Variants in NAALADL2 observed in about 807,000 individuals in gnomAD.
NAALADL2 encodes N-acetylated alpha-linked acidic dipeptidase like 2.
In NAALADL2, 76 loss-of-function variants were observed where a neutral mutation model predicts 87.2. The observed-to-expected ratio is 0.87, with a 90% CI of 0.72 to 1.05. NAALADL2 has a LOEUF of 1.05. Among genes scored for constraint, NAALADL2 ranks in the 50% least tolerant of loss-of-function variants. NAALADL2 has a pLI of 0.00. For synonymous variants in NAALADL2, 354 were observed against 331.0 expected (o/e 1.07, Z -0.75); for missense variants, 1,089 against 945.8 (o/e 1.15, Z -1.99).
At chr3:175,653,115 C>T (rs995897263) in intron 11 of NAALADL2, among the ~76,000 whole-genome samples, 1 of 152,020 alleles carries the variant, frequency 6.6e-6, no homozygotes, top group African/African-American at 2.4e-5. Flanking sequence ...ACATCTGTGT[C>T]ATCTCCACAC....
chr3:174,837,940 A>G (rs955756768), intron 3 of NAALADL2, among the ~76,000 whole-genome samples: 1 of 151,786 alleles, frequency 6.6e-6, no homozygotes, highest in African/African-American at 2.4e-5. Flanking sequence ...CAAGATAGAG[A>G]AAGAGAGAAA....
At chr3:175,613,688 AT>A (rs899297179) in intron 10 of NAALADL2, among the ~76,000 whole-genome samples, 1 of 152,084 alleles carries the variant, frequency 6.6e-6, no homozygotes, top group Non-Finnish European at 1.5e-5. Flanking sequence ...GCCTGTGATG[AT>A]TTCCTGGTTT....
intron 12 of NAALADL2, among the ~76,000 whole-genome samples, chr3:175,739,032 A>T (rs576602819): frequency 3.9e-4 from 60 of 152,280 alleles, no homozygotes; most frequent in African/African-American, 1.3e-3. Flanking sequence ...TAAAACTTTA[A>T]ACTTTCAGAG....
Position 175,697,902 on chromosome 3 carries a change from CAT to C in NAALADL2, c.1897-39397_1897-39396del, listed in dbSNP as rs1291129965. 9.7e-5 allele frequency among the ~76,000 whole-genome samples: 6 copies of C among 61,908 alleles called. No individual in the cohort carries two copies. In the East Asian group the frequency reaches 1.3e-3, roughly 14 times the overall value. The allele number at this position is 61,908 out of a possible 152,430, so 40.6% of individuals were successfully genotyped here. Reference sequence around the variant, plus strand: ...ATATATGTGTATATATGTATGTATACATATATATGTGTATATATGTATGTATA... The same window carrying C: ...ATATATGTGTATATATGTATGTATACATATATGTGTATATATGTATGTATA... On this transcript the variant is annotated intron_variant, in intron 11 of 13. Transcript: ENST00000454872.
rs180833314 is a variant in NAALADL2, at chr3:175,478,784, G to A, written c.1653+7026G>A. ...CAGGTATTAGTGAATCACTACTGTT[G>A]GGAGGTTAGATAAAATTCTGTAACA... On this transcript the variant is annotated intron_variant, in intron 9 of 13. Coordinates refer to ENST00000454872, the MANE Select transcript of NAALADL2 (RefSeq NM_207015.3). Among the ~76,000 whole-genome samples the A allele has an allele frequency of 4.6e-3, 699 of 151,818 alleles. 6 individuals are homozygous for A. Among genetic ancestry groups the A allele is most frequent in the African/African-American group, 0.016 (680 of 41,470 alleles).
At chr3:174,659,907 T>C (rs1216244497) in intron 2 of NAALADL2, among the ~76,000 whole-genome samples, 1 of 152,180 alleles carries the variant, frequency 6.6e-6, no homozygotes, top group Non-Finnish European at 1.5e-5. Context: ...CCCTTAGTCC[T>C]GCCCTCACCT....
chr3:174,593,245 C>T (rs1013535770), intron 2 of NAALADL2, among the ~76,000 whole-genome samples: 1 of 152,076 alleles, frequency 6.6e-6, no homozygotes, highest in African/African-American at 2.4e-5. Flanking sequence ...AACTGTGTAA[C>T]TCAAATATGG....
intron 1 of NAALADL2, among the ~76,000 whole-genome samples, chr3:174,967,707 G>A (rs1448977189): frequency 6.6e-6 from 1 of 152,180 alleles, no homozygotes; most frequent in Non-Finnish European, 1.5e-5. Flanking sequence ...ATGTGATTGA[G>A]GCGACCTTGG....
At position 175,805,632 on chromosome 3, in the gene NAALADL2, G is replaced by T. The variant is rs1184272245; in HGVS notation, c.*2429G>T. ...TAGATTCAAATAAATAAAATCCTGAGCAAATTAATAGCAAGTGTTAATGTG... is the reference window on the plus strand; with the variant it reads ...TAGATTCAAATAAATAAAATCCTGATCAAATTAATAGCAAGTGTTAATGTG... On this transcript the variant is annotated 3_prime_UTR_variant, in exon 14 of 14. Coordinates refer to ENST00000454872, the MANE Select transcript of NAALADL2 (RefSeq NM_207015.3). The T allele has an allele frequency of 6.6e-6, 1 of 151,398 alleles. No individual in the cohort carries two copies. Among genetic ancestry groups the T allele is most frequent in the East Asian group, 1.9e-4 (1 of 5,150 alleles). 9.4% of individuals were successfully genotyped at this position (151,398 alleles called of 1,614,324 possible).
intron 1 of NAALADL2, among the ~76,000 whole-genome samples, chr3:175,006,686 C>T (rs1411254672): frequency 6.6e-6 from 1 of 151,420 alleles, no homozygotes; most frequent in African/African-American, 2.4e-5. Context: ...GTATAGGGCC[C>T]TTGAGGTTTT....
At chr3:174,707,283 TC>T (rs55727849) in intron 2 of NAALADL2, among the ~76,000 whole-genome samples, 152,226 of 152,226 alleles carry the variant, frequency 1, 76,113 homozygotes, top group Non-Finnish European at 1. Flanking sequence ...GACCCACCAA[TC>T]CCCATTACTG....
chr3:175,809,168 G>C lies in NAALADL2; in HGVS notation c.*5965G>C, dbSNP rs1012471060. 6.6e-6 allele frequency: 1 copy of C among 151,958 alleles called. No individual in the cohort carries two copies. The highest frequency in any genetic ancestry group is 6.6e-5 in the Admixed American group (1 of 15,212). 9.4% of individuals were successfully genotyped at this position (151,958 alleles called of 1,614,324 possible). On this transcript the variant is annotated 3_prime_UTR_variant, in exon 14 of 14. Transcript: ENST00000454872. ...CTCTAAACAGAACTTTAGCATATCT[G>C]TTTGATAAGAAATACACAAACAAAA...
intron 9 of NAALADL2, among the ~76,000 whole-genome samples, chr3:175,528,871 A>T (rs62287121): frequency 0.068 from 10,339 of 152,292 alleles, 436 homozygotes; most frequent in South Asian, 0.12. Context: ...AGAAGGAGGA[A>T]ATACTCATGA....
Position 175,623,208 on chromosome 3 carries a change from A to G in NAALADL2, c.1801-4083A>G, listed in dbSNP as rs190994464. 5.3e-4 allele frequency among the ~76,000 whole-genome samples: 81 copies of G among 152,250 alleles called. No homozygotes were observed. In the South Asian group the frequency reaches 0.011, roughly 21 times the overall value. On this transcript the variant is annotated intron_variant, in intron 10 of 13. Coordinates refer to ENST00000454872, the MANE Select transcript of NAALADL2 (RefSeq NM_207015.3). ...GATATCTTTTGACAATTGTATATCC[A>G]TGTAAACACCATCCAAATCTAGAAA...
chr3:175,355,022 A>ATGTGTGTGTGTGTGTG (rs3067322), intron 5 of NAALADL2, among the ~76,000 whole-genome samples: 29 of 139,432 alleles, frequency 2.1e-4, no homozygotes, highest in African/African-American at 7.4e-4. Context: ...CTATATATAT[A>ATGTGTGTGTGTGTGTG]TGTGTGTGTG....
intron 2 of NAALADL2, among the ~76,000 whole-genome samples, chr3:175,128,925 A>ATTTT (rs200656722): frequency 6.6e-6 from 1 of 151,070 alleles, no homozygotes; most frequent in African/African-American, 2.4e-5. Flanking sequence ...CTAGTTACCA[A>ATTTT]TTTTTTTTTG....
intron 3 of NAALADL2, among the ~76,000 whole-genome samples, chr3:174,819,051 A>ATTTTTTTTTTTTTTTTTTTTTT (rs1560255249): frequency 1.2e-5 from 1 of 85,916 alleles, no homozygotes; most frequent in African/African-American, 3.8e-5. Context: ...TTATTATACC[A>ATTTTTTTTTTTTTTTTTTTTTT]TTTATTCTTT....
In NAALADL2 at chr3:175,192,836, G is replaced by A. The variant is rs538309108; in HGVS notation, c.546-41095G>A. Among the ~76,000 whole-genome samples, 9 of 151,918 alleles carry A rather than the reference G, an allele frequency of 5.9e-5. No individual in the cohort carries two copies. The East Asian group carries it at 9.6e-4, about 16-fold the overall frequency. On this transcript the variant is annotated intron_variant, in intron 2 of 13. Transcript: ENST00000454872. ...TTGATAATTTTTAATGTTATCCAAGGCAATTTTGAACTCTAATGATTTTGA... is the reference window on the plus strand; with the variant it reads ...TTGATAATTTTTAATGTTATCCAAGACAATTTTGAACTCTAATGATTTTGA...
rs201448615 is a variant in NAALADL2 at position 175,576,031 on chromosome 3, T to A, written c.1654-10T>A. On this transcript the variant is annotated splice_polypyrimidine_tract_variant and intron_variant, in intron 9 of 13. Coordinates refer to ENST00000454872, the MANE Select transcript of NAALADL2 (RefSeq NM_207015.3). ...TAGTATGTGTTAACAATTTAAATTA[T>A]GTTTTTCAGAAAAATAATTTCAACT... 6.2e-7 allele frequency: 1 copy of A among 1,608,558 alleles called. No homozygotes were observed. Among genetic ancestry groups the A allele is most frequent in the Non-Finnish European group, 8.5e-7 (1 of 1,177,304 alleles).
Sources: allele counts gnomAD v4.1 joint callset (sites outside exome capture counted in the v4.1 genomes callset), GRCh38; gene constraint gnomAD v4.1.1; transcripts MANE v1.5; gene names NCBI Gene and HGNC (gene_info 2026-07-23, HGNC 2026-07-21).